Variants in ZFAT observed in about 807,000 individuals in gnomAD.
ZFAT encodes zinc finger and AT-hook domain containing.
In ZFAT, 64 loss-of-function variants were observed where a neutral mutation model predicts 117.7. The ratio of observed to expected loss-of-function variants is 0.54; its 90% confidence interval spans 0.44 to 0.67. The LOEUF is 0.67. Among genes scored for constraint, ZFAT ranks in the 30% least tolerant of loss-of-function variants. The pLI, the probability that ZFAT is intolerant of heterozygous loss-of-function variation, is 0.00. For missense variants in ZFAT, 1,433 were observed against 1,584.5 expected (o/e 0.90, Z 1.62); for synonymous variants, 679 against 615.0 (o/e 1.10, Z -1.54).
At chr8:134,486,034 G>A (rs370090420) in intron 15 of ZFAT, among the ~76,000 whole-genome samples, 6 of 152,166 alleles carry the variant, frequency 3.9e-5, no homozygotes, top group Admixed American at 1.3e-4. Context: ...ATCAGACCAC[G>A]CAGAACCTAC....
the ZFAT span, among the ~76,000 whole-genome samples, chr8:134,808,699 A>T: frequency 6.6e-6 from 1 of 152,248 alleles, no homozygotes; most frequent in Non-Finnish European, 1.5e-5. Flanking sequence ...TTTAATCATC[A>T]CCATGACATC....
At chr8:134,702,672 T>C (rs1052193759) in intron 1 of ZFAT, among the ~76,000 whole-genome samples, 2 of 151,864 alleles carry the variant, frequency 1.3e-5, no homozygotes, top group African/African-American at 4.8e-5. Flanking sequence ...TTTCTTTTTT[T>C]TTTTTTCTTT....
rs1314165530 is a variant in ZFAT at position 134,602,732 on chromosome 8, G to C, written c.987C>G (p.Asp329Glu). Reference protein sequence around the residue: ...RKHTGEKFACDYCSFTCLSKG... With the variant: ...RKHTGEKFACEYCSFTCLSKG... ...TGCTCAGGCAGGTGAACGAGCAATA[G>C]TCGCAGGCGAACTTCTCTCCAGTGT... is the stretch of plus-strand genomic sequence containing the variant. Residue 329 changes from aspartate to glutamate, a missense_variant, in exon 6 of 16, where the codon GAC becomes GAG. By Grantham distance (45) the Asp-to-Glu change is conservative. This residue lies in a region of ZFAT where 436 missense variants were observed against 482.0 expected (regional missense o/e 0.90). Transcript: ENST00000377838. 2.5e-6 allele frequency: 4 copies of C among 1,613,790 alleles called. No individual in the cohort carries two copies. The highest frequency in any genetic ancestry group is 2.2e-5 in the South Asian group (2 of 91,038).
At chr8:134,667,804 G>A (rs894444575) in intron 1 of ZFAT, among the ~76,000 whole-genome samples, 3 of 152,094 alleles carry the variant, frequency 2.0e-5, no homozygotes, top group African/African-American at 7.2e-5. Flanking sequence ...GCCGAAGCAG[G>A]GCGAGGCATC....
the ZFAT span, among the ~76,000 whole-genome samples, chr8:134,736,966 C>T: frequency 2.0e-5 from 3 of 151,994 alleles, no homozygotes; most frequent in South Asian, 2.1e-4. Flanking sequence ...GCTGTTAGAC[C>T]AACTTTTGTT....
At chr8:134,676,711 G>A (rs1367793049) in intron 1 of ZFAT, among the ~76,000 whole-genome samples, 1 of 152,168 alleles carries the variant, frequency 6.6e-6, no homozygotes, top group East Asian at 1.9e-4. Context: ...ACACTCCTCA[G>A]CAAATGCAAA....
chr8:134,750,419 C>A, the ZFAT span, among the ~76,000 whole-genome samples: 1 of 151,864 alleles, frequency 6.6e-6, no homozygotes, highest in Non-Finnish European at 1.5e-5. Flanking sequence ...TTTTTCCTTA[C>A]AACTCTTGTG....
chr8:134,791,873 A>C, the ZFAT span: 5 of 152,202 alleles, frequency 3.3e-5, no homozygotes, highest in Non-Finnish European at 7.3e-5. Flanking sequence ...TGTCTTTGTG[A>C]AAAAGGCAGC....
intron 1 of ZFAT, among the ~76,000 whole-genome samples, chr8:134,691,499 T>C (rs1563767250): frequency 6.6e-6 from 1 of 152,204 alleles, no homozygotes; most frequent in Non-Finnish European, 1.5e-5. Context: ...CAGGGCAGCT[T>C]GTTCTGGCCT....
At chr8:134,752,472 T>C in the ZFAT span, among the ~76,000 whole-genome samples, 1 of 152,206 alleles carries the variant, frequency 6.6e-6, no homozygotes, top group African/African-American at 2.4e-5. Context: ...AAGGCTGTCA[T>C]GAAAAGCAAA....
chr8:134,795,065 G>C, the ZFAT span: 1 of 152,156 alleles, frequency 6.6e-6, no homozygotes, highest in Non-Finnish European at 1.5e-5. Flanking sequence ...AGGGAGCCTA[G>C]ATTAGATCAG....
chr8:134,827,099 T>C, the ZFAT span, among the ~76,000 whole-genome samples: 2 of 152,216 alleles, frequency 1.3e-5, no homozygotes, highest in African/African-American at 2.4e-5. Context: ...CATCCCAGAC[T>C]GGAGTGTAGT....
At chr8:134,597,191 T>C (rs1827020466) in intron 7 of ZFAT, among the ~76,000 whole-genome samples, 1 of 147,718 alleles carries the variant, frequency 6.8e-6, no homozygotes, top group African/African-American at 2.5e-5. Flanking sequence ...AAGCAGATCT[T>C]TTTTTTTTTT....
chr8:134,810,414 T>C, the ZFAT span, among the ~76,000 whole-genome samples: 1 of 152,222 alleles, frequency 6.6e-6, no homozygotes, highest in Non-Finnish European at 1.5e-5. Context: ...TCAAAGCAGT[T>C]TTAATTTTCT....
intron 10 of ZFAT, among the ~76,000 whole-genome samples, chr8:134,580,080 C>T (rs938180856): frequency 1.3e-5 from 2 of 151,976 alleles, no homozygotes; most frequent in Non-Finnish European, 1.5e-5. Context: ...AGCAGGAGGC[C>T]GCCAGGCAAA....
At chr8:134,784,508 T>C in the ZFAT span, 2 of 152,178 alleles carry the variant, frequency 1.3e-5, no homozygotes, top group African/African-American at 2.4e-5. Context: ...GTAAGAAAAC[T>C]GAATTTACAA....
chr8:134,766,435 TC>T, the ZFAT span: 2 of 152,362 alleles, frequency 1.3e-5, no homozygotes, highest in East Asian at 3.8e-4. Context: ...GTACCTATTG[TC>T]GAGGTTCAAC....
At chr8:134,696,433 CG>C (rs1833846171) in intron 1 of ZFAT, 1 of 985,526 alleles carries the variant, frequency 1.0e-6, no homozygotes, top group Non-Finnish European at 1.2e-6. Flanking sequence ...AGAATTACCT[CG>C]TAAACCTCCA....
chr8:134,781,974 A>G, the ZFAT span, among the ~76,000 whole-genome samples: 1 of 152,210 alleles, frequency 6.6e-6, no homozygotes, highest in East Asian at 1.9e-4. Flanking sequence ...TCCAGTCAAT[A>G]GCAGTAGTTA....
Sources: gnomAD v4.1 joint callset for allele counts (sites outside exome capture counted in the v4.1 genomes callset) on GRCh38, gnomAD v4.1.1 for gene constraint, gnomAD v4.1.1 regional missense constraint, MANE v1.5 for transcripts, NCBI Gene and HGNC (gene_info 2026-07-23, HGNC 2026-07-21) for gene names.